PAPOLA: variants seen among roughly 807,000 people sequenced by gnomAD.
The protein encoded by PAPOLA is polynucleotide adenylyltransferase alpha.
A neutral mutation model predicts 100.6 loss-of-function variants in PAPOLA; 15 were observed. The ratio of observed to expected loss-of-function variants is 0.15; its 90% confidence interval spans 0.10 to 0.23. PAPOLA has a LOEUF of 0.23. PAPOLA is among the 10% of genes least tolerant of loss of function. PAPOLA has a pLI of 1.00. For synonymous variants in PAPOLA, 293 were observed against 300.0 expected, an observed-to-expected ratio of 0.98 and a Z score of 0.24; for missense variants, 533 against 884.2, an observed-to-expected ratio of 0.60 and a Z score of 5.04.
chr14:96,541,411 G>A (rs1899979751), intron 12 of PAPOLA, among the ~76,000 whole-genome samples: 1 of 152,106 alleles, frequency 6.6e-6, no homozygotes, highest in Non-Finnish European at 1.5e-5. Context: ...GCTTTTTGGG[G>A]TAGAGATTCT....
At chr14:96,552,346 G>T in intron 16 of PAPOLA, 134 bp from the exon 17 acceptor site, 1 of 770,324 alleles carries the variant, frequency 1.3e-6, no homozygotes, top group Admixed American at 2.7e-5. Context: ...GAGTCAGCAT[G>T]GCACATCTAA....
chr14:96,525,515 A>C (rs1400399629), intron 4 of PAPOLA, 124 bp downstream of exon 4: 3 of 510,292 alleles, frequency 5.9e-6, no homozygotes, highest in Non-Finnish European at 1.0e-5. Flanking sequence ...TGCTTTGAGG[A>C]GTCTAAATTT....
chr14:96,555,851 A>G lies in PAPOLA; in HGVS notation c.1669A>G (p.Asn557Asp). The G allele has an allele frequency of 6.6e-7, 1 of 1,523,382 alleles. No individual in the cohort carries two copies. The highest frequency in any genetic ancestry group is 8.9e-7 in the Non-Finnish European group (1 of 1,128,652). The allele number at this position is 1,523,382 out of a possible 1,614,324, so 94.4% of individuals were successfully genotyped here. ...LNSSGSSQGRNSPAPAVTAAS... is the reference protein window; with the variant it reads ...LNSSGSSQGRDSPAPAVTAAS... ...TTTTAATTTTTTTTTTTTTAGCAGA[A>G]ACAGTCCTGCTCCAGCTGTAACAGC... Residue 557 changes from asparagine to aspartate, a missense_variant, in exon 18 of 22, where the codon AAC (asparagine) becomes GAC (aspartate). By Grantham distance (23) the Asn-to-Asp change is conservative (BLOSUM62 1). Coordinates refer to ENST00000216277, the MANE Select transcript of PAPOLA (RefSeq NM_032632.5).
chr14:96,502,824 C>T (rs1437115675), intron 1 of PAPOLA: 3 of 457,668 alleles, frequency 6.6e-6, no homozygotes, highest in African/African-American at 2.0e-5. Context: ...GCTGGGTCAG[C>T]TGCCGTCGGG....
At chr14:96,562,958 T>C in intron 21 of PAPOLA, 65 bp downstream of exon 21, 2 of 905,472 alleles carry the variant, frequency 2.2e-6, no homozygotes, top group Non-Finnish European at 3.6e-6. Flanking sequence ...GTATATTGAA[T>C]TAAAGTGAGA....
intron 1 of PAPOLA, among the ~76,000 whole-genome samples, chr14:96,507,530 C>T (rs1896817123): frequency 6.6e-6 from 1 of 152,098 alleles, no homozygotes; most frequent in Admixed American, 6.5e-5. Flanking sequence ...CTGCCTCGGC[C>T]TCCCAAAGTG....
chr14:96,520,243 T>C lies in PAPOLA; in HGVS notation c.182+15T>C. ...CTGCAGCGCAGGTAAATAGATATTCTATATTTTTTTAACTCGGAAACTTTT... is the reference window on the plus strand; with the variant it reads ...CTGCAGCGCAGGTAAATAGATATTCCATATTTTTTTAACTCGGAAACTTTT... On this transcript the variant is annotated intron_variant, in intron 2 of 21. Transcript: ENST00000216277. 2.5e-6 allele frequency: 4 copies of C among 1,578,280 alleles called. No homozygotes were observed. Among genetic ancestry groups the C allele is most frequent in the Non-Finnish European group, 2.6e-6 (3 of 1,162,056 alleles).
At chr14:96,526,149 T>C (rs896434383) in intron 4 of PAPOLA, 3 of 152,236 alleles carry the variant, frequency 2.0e-5, no homozygotes, top group Non-Finnish European at 4.4e-5. Context: ...AATAAAAATG[T>C]TACCTCGGCA....
intron 10 of PAPOLA, chr14:96,534,955 C>G: frequency 1.0e-6 from 1 of 991,822 alleles, no homozygotes; most frequent in Non-Finnish European, 1.2e-6. Context: ...AAAGCTGTTA[C>G]TTAATGTTTA....
At chr14:96,515,274 A>G (rs1283107077) in intron 1 of PAPOLA, among the ~76,000 whole-genome samples, 1 of 152,210 alleles carries the variant, frequency 6.6e-6, no homozygotes, top group Non-Finnish European at 1.5e-5. Flanking sequence ...AAAATTCTTT[A>G]TACATTACCT....
chr14:96,545,038 G>T (rs1211646101), intron 15 of PAPOLA, among the ~76,000 whole-genome samples: 2 of 152,020 alleles, frequency 1.3e-5, no homozygotes, highest in African/African-American at 4.8e-5. Context: ...AGGGACAACC[G>T]CATTTCTTCT....
intron 12 of PAPOLA, among the ~76,000 whole-genome samples, chr14:96,539,878 A>G (rs1295729992): frequency 2.0e-5 from 3 of 151,416 alleles, no homozygotes. Context: ...ATTCCTAATG[A>G]CTCAAAATAT....
At chr14:96,533,711 C>T (rs1027540798) in intron 9 of PAPOLA, 20 of 320,216 alleles carry the variant, frequency 6.2e-5, no homozygotes, top group African/African-American at 4.1e-4. Context: ...CCTGCCACCA[C>T]GCCTGGCTAA....
chr14:96,541,354 A>G (rs1899973727), intron 12 of PAPOLA, among the ~76,000 whole-genome samples: 1 of 152,198 alleles, frequency 6.6e-6, no homozygotes, highest in African/African-American at 2.4e-5. Flanking sequence ...AATTGTGGTT[A>G]TACTGCTACT....
chr14:96,528,090 T>TG (rs1279671337), intron 6 of PAPOLA, 84 bp downstream of exon 6: 1 of 839,952 alleles, frequency 1.2e-6, no homozygotes, highest in Non-Finnish European at 2.1e-6. Context: ...GGTTTAAAGT[T>TG]TATAATTAGT....
chr14:96,526,179 CT>C (rs1898462372), intron 4 of PAPOLA: 1 of 152,192 alleles, frequency 6.6e-6, no homozygotes, highest in Admixed American at 6.5e-5. Flanking sequence ...TATTGAGCTT[CT>C]TTTCTTTCAC....
Position 96,520,128 on chromosome 14 carries a change from T to G in PAPOLA, c.82T>G (p.Leu28Val). 1 of 1,613,888 alleles carries G rather than the reference T, an allele frequency of 6.2e-7. No individual in the cohort carries two copies. Residue 28 changes from leucine to valine, a missense_variant, in exon 2 of 22, where the codon TTA becomes GTA. Physicochemically the swap from Leu to Val is conservative, Grantham distance 32. Coordinates refer to ENST00000216277, the MANE Select transcript of PAPOLA (RefSeq NM_032632.5). ...CTATGGCATTACTTCTCCTATCAGC[T>G]TAGCAGCCCCCAAGGAGACTGACTG... ...KHYGITSPIS[L>V]AAPKETDCVL...
At chr14:96,504,747 T>C (rs1896595041) in intron 1 of PAPOLA, 1 of 152,178 alleles carries the variant, frequency 6.6e-6, no homozygotes, top group African/African-American at 2.4e-5. Flanking sequence ...GACCAAAGAA[T>C]GCCTAGTTAA....
chr14:96,530,859 G>A (rs964641025), intron 6 of PAPOLA, among the ~76,000 whole-genome samples: 1 of 152,164 alleles, frequency 6.6e-6, no homozygotes, highest in East Asian at 1.9e-4. Context: ...CTGTCACCCA[G>A]GCTGGAGTGC....
Sources: allele counts gnomAD v4.1 joint callset (sites outside exome capture counted in the v4.1 genomes callset), GRCh38; gene constraint gnomAD v4.1.1; transcripts MANE v1.5; gene names NCBI Gene and HGNC (gene_info 2026-07-23, HGNC 2026-07-21).